ST6GAL2: variants seen among roughly 807,000 people sequenced by gnomAD.
The protein encoded by ST6GAL2 is ST6 beta-galactoside alpha-2,6-sialyltransferase 2.
ST6GAL2 carries 24 observed loss-of-function variants against 37.5 expected under a neutral mutation model. The observed-to-expected ratio is 0.64, with a 90% CI of 0.46 to 0.90. The LOEUF is 0.90. ST6GAL2 is among the 40% of genes least tolerant of loss of function. The probability of loss-of-function intolerance (pLI) is 0.00; values close to 1 mark genes in which losing one functional copy is unlikely to be tolerated. For missense variants in ST6GAL2, 715 were observed against 712.7 expected (o/e 1.00, Z -0.04); for synonymous variants, 306 against 295.1 (o/e 1.04, Z -0.38).
Position 106,806,819 on chromosome 2 carries a change from G to C in ST6GAL2, c.1449C>G (p.His483Gln). 6.2e-7 allele frequency: 1 copy of C among 1,614,204 alleles called. No individual in the cohort carries two copies. The highest frequency in any genetic ancestry group is 8.5e-7 in the Non-Finnish European group (1 of 1,180,050). The change falls in exon 6 of 6, where the codon CAC (histidine) becomes CAG (glutamine). Residue 483 changes from histidine to glutamine, a missense_variant. Around this residue, in one of 3 missense-constraint regions of ST6GAL2, gnomAD observed 198 missense variants for 203.6 expected, o/e 0.97. Transcript: ENST00000409382. ...YDAACTLGAYHPLLYEKLLVQ... is the reference protein window; with the variant it reads ...YDAACTLGAYQPLLYEKLLVQ... ...CCAGGAGCTTCTCATAGAGTAGTGG[G>C]TGGTACGCCCCGAGGGTGCAGGCTG... is the stretch of plus-strand genomic sequence containing the variant.
rs1675439484 is a variant in ST6GAL2, at chr2:106,807,007, T to G, written c.1319-58A>C. 2.0e-6 allele frequency: 3 copies of G among 1,468,280 alleles called. No individual in the cohort carries two copies. In the Admixed American group the frequency reaches 6.0e-5, roughly 29 times the overall value. 91.0% of individuals were successfully genotyped at this position (1,468,280 alleles called of 1,614,324 possible). ...AACAACTCCATGTGAGAGGGATGAG[T>G]TTTTTGGGGGAGGGGTGGTGGTGAT... On this transcript the variant is annotated intron_variant, in intron 5 of 5. Coordinates refer to ENST00000409382, the MANE Select transcript of ST6GAL2 (RefSeq NM_001142351.2).
intron 2 of ST6GAL2, among the ~76,000 whole-genome samples, chr2:106,838,358 C>T (rs1335087909): frequency 6.6e-6 from 1 of 152,208 alleles, no homozygotes; most frequent in Non-Finnish European, 1.5e-5. Context: ...CCCTCTCCTA[C>T]ACTGATGAGA....
chr2:106,806,638 A>G lies in ST6GAL2; in HGVS notation c.*40T>C. On this transcript the variant is annotated 3_prime_UTR_variant, in exon 6 of 6. Transcript: ENST00000409382. The stretch of plus-strand genomic sequence containing the variant: ...ATTCTTTTGTGACTTTGAGTACAAC[A>G]GTAGTACCTTATTGCACATTGATTC... The G allele has an allele frequency of 6.3e-7, 1 of 1,595,042 alleles. No individual in the cohort carries two copies. Among genetic ancestry groups the G allele is most frequent in the Non-Finnish European group, 8.6e-7 (1 of 1,168,080 alleles).
At chr2:106,854,511 G>A (rs1408833825) in intron 1 of ST6GAL2, among the ~76,000 whole-genome samples, 1 of 152,114 alleles carries the variant, frequency 6.6e-6, no homozygotes, top group Non-Finnish European at 1.5e-5. Context: ...TATGATATAA[G>A]CATATATTAT....
rs2104475194 is a variant in ST6GAL2 at position 106,832,665 on chromosome 2, A to T, written c.1043T>A (p.Ile348Asn). The T allele has an allele frequency of 1.3e-6, 2 of 1,592,608 alleles. No individual in the cohort carries two copies. Among genetic ancestry groups the T allele is most frequent in the South Asian group, 1.1e-5 (1 of 90,594 alleles). The change falls in exon 4 of 6, where the codon ATT becomes AAT. Residue 348 changes from isoleucine to asparagine, a missense_variant and splice_region_variant. Coordinates refer to ENST00000409382, the MANE Select transcript of ST6GAL2 (RefSeq NM_001142351.2). ...GAAGTGATGGCTGGGGTTGGTCAGA[A>T]TCTGCAAACACACAGAAAAACCATT... ...KTTIRIINSQ[I>N]LTNPSHHFID... is the part of the protein sequence containing the mutation.
intron 1 of ST6GAL2, among the ~76,000 whole-genome samples, chr2:106,850,187 T>C (rs534902926): frequency 9.2e-5 from 14 of 152,090 alleles, no homozygotes; most frequent in Middle Eastern, 3.4e-3. Context: ...AGATGACATA[T>C]GGGAAAGGAA....
intron 5 of ST6GAL2, among the ~76,000 whole-genome samples, chr2:106,807,405 T>A (rs1161360927): frequency 6.6e-6 from 1 of 152,176 alleles, no homozygotes; most frequent in Non-Finnish European, 1.5e-5. Flanking sequence ...GATTATAAAT[T>A]GACTATAATA....
At chr2:106,864,642 G>C (rs1677948455) in intron 1 of ST6GAL2, among the ~76,000 whole-genome samples, 2 of 152,136 alleles carry the variant, frequency 1.3e-5, no homozygotes. Context: ...TTACACCTCA[G>C]ATCAGTTTCT....
chr2:106,843,648 C>T lies in ST6GAL2; in HGVS notation c.330G>A (p.Glu110=). The part of the protein sequence containing the change: ...AQSQDGFEHK[E]FFSSQVGRKS... The stretch of plus-strand genomic sequence containing the variant: ...TTCTCCCCACCTGGGATGAAAAAAA[C>T]TCTTTATGTTCAAACCCATCTTGGG... The change falls in exon 2 of 6, where the codon GAG becomes GAA. Residue 110 remains glutamate (E), a synonymous_variant. Coordinates refer to ENST00000409382, the MANE Select transcript of ST6GAL2 (RefSeq NM_001142351.2). 1 of 1,613,728 alleles carries T rather than the reference C, an allele frequency of 6.2e-7. No homozygotes were observed.
At chr2:106,873,884 G>A (rs888576146) in intron 1 of ST6GAL2, among the ~76,000 whole-genome samples, 1 of 152,210 alleles carries the variant, frequency 6.6e-6, no homozygotes. Context: ...AGAATGTTCT[G>A]TTTATAAATA....
chr2:106,803,102 T>C lies in ST6GAL2; in HGVS notation c.*3576A>G, dbSNP rs1053889894. ...CTGTCCAGCAGAATTAACTGGCTCA[T>C]ACACATGTAAGAGAGTGACCCAGCT... On this transcript the variant is annotated 3_prime_UTR_variant, in exon 6 of 6. Transcript: ENST00000409382. 1.3e-5 allele frequency: 2 copies of C among 152,222 alleles called. No individual in the cohort carries two copies. The highest frequency in any genetic ancestry group is 4.8e-5 in the African/African-American group (2 of 41,464). 9.4% of individuals were successfully genotyped at this position (152,222 alleles called of 1,614,324 possible). A position where few individuals can be genotyped will look rare whatever the true frequency, so the allele number is the denominator to read the frequency against.
At chr2:106,832,743 T>A in intron 3 of ST6GAL2, 77 bp from the exon 4 acceptor site, 2 of 936,092 alleles carry the variant, frequency 2.1e-6, no homozygotes, top group Non-Finnish European at 3.5e-6. Context: ...AGGTGAAAAT[T>A]AAAAAGAACT....
At position 106,804,841 on chromosome 2, in the gene ST6GAL2, C is replaced by CAA. The variant is rs10650737; in HGVS notation, c.*1835_*1836dup. The CAA allele has an allele frequency of 0.65, 66,280 of 102,452 alleles. 22,195 individuals carry two copies. The highest frequency in any genetic ancestry group is 0.73 in the Non-Finnish European group (39,488 of 53,774). 6.3% of individuals were successfully genotyped at this position (102,452 alleles called of 1,614,324 possible). A position where few individuals can be genotyped will look rare whatever the true frequency, so the allele number is the denominator to read the frequency against. The stretch of plus-strand genomic sequence containing the variant: ...TGGGCGACAGAGCGAGAGACTGTCT[C>CAA]AAAAAAAAAAAAAAAAAAGAAAAGA... On this transcript the variant is annotated 3_prime_UTR_variant, in exon 6 of 6. Transcript: ENST00000409382.
chr2:106,878,462 T>G (rs569919284), intron 1 of ST6GAL2, among the ~76,000 whole-genome samples: 242 of 152,148 alleles, frequency 1.6e-3, no homozygotes, highest in Admixed American at 1.5e-3. Flanking sequence ...AGACCCTGAT[T>G]GTAAAAGACA....
chr2:106,876,596 T>C (rs949708825), intron 1 of ST6GAL2, among the ~76,000 whole-genome samples: 33 of 152,162 alleles, frequency 2.2e-4, no homozygotes, highest in South Asian at 4.2e-4. Flanking sequence ...TGAGTACCCA[T>C]TGGGGGACAG....
intron 1 of ST6GAL2, among the ~76,000 whole-genome samples, chr2:106,885,241 A>G (rs1387193596): frequency 6.6e-6 from 1 of 151,934 alleles, no homozygotes; most frequent in African/African-American, 2.4e-5. Context: ...CAGTGGTGCA[A>G]AAGACAATGA....
In ST6GAL2 at chr2:106,843,390, G is replaced by T. The variant is rs1027754263; in HGVS notation, c.588C>A (p.Tyr196Ter). 2 of 1,614,124 alleles carry T rather than the reference G, an allele frequency of 1.2e-6. No homozygotes were observed. The highest frequency in any genetic ancestry group is 1.7e-6 in the Non-Finnish European group (2 of 1,180,010). The change falls in exon 2 of 6, where the codon TAC becomes TAA. Residue 196 changes from tyrosine to a stop codon, truncating the protein, a stop_gained. Transcript: ENST00000409382. LOFTEE classifies it high-confidence loss of function. Reference sequence around the variant, plus strand: ...ACAGGAAGGCCCTGGACATGGAGGAGTACAGCCTGTCGCCGTCGTCGCCCT... The same window carrying T: ...ACAGGAAGGCCCTGGACATGGAGGATTACAGCCTGTCGCCGTCGTCGCCCT... ...LEEGDDGDRL[Y>*]SSMSRAFLYR... is the part of the protein sequence containing the mutation.
chr2:106,832,966 C>T lies in ST6GAL2; in HGVS notation c.1042-300G>A, dbSNP rs74805420. ...ATGCAACTCCCTAGCTAATTCAAGC[C>T]GCACAACCTCTTCTACAATTGCCTT... On this transcript the variant is annotated intron_variant, in intron 3 of 5. Coordinates refer to ENST00000409382, the MANE Select transcript of ST6GAL2 (RefSeq NM_001142351.2). 2.7e-3 allele frequency among the ~76,000 whole-genome samples: 417 copies of T among 152,190 alleles called. 5 individuals carry two copies. In the East Asian group the frequency reaches 0.037, roughly 13 times the overall value.
chr2:106,828,846 C>CA (rs1676302621), intron 5 of ST6GAL2, among the ~76,000 whole-genome samples: 1 of 151,964 alleles, frequency 6.6e-6, no homozygotes, highest in African/African-American at 2.4e-5. Flanking sequence ...CGGGTAATAT[C>CA]AAAGAAACAA....
Sources: gnomAD v4.1 joint callset for allele counts (sites outside exome capture counted in the v4.1 genomes callset) on GRCh38, gnomAD v4.1.1 for gene constraint, gnomAD v4.1.1 regional missense constraint, MANE v1.5 for transcripts, NCBI Gene and HGNC (gene_info 2026-07-23, HGNC 2026-07-21) for gene names.